MSTO1: variants seen among roughly 807,000 people sequenced by gnomAD.
MSTO1 encodes protein misato homolog 1.
A neutral mutation model predicts 55.7 loss-of-function variants in MSTO1; 24 were observed. The ratio of observed to expected loss-of-function variants is 0.43; its 90% confidence interval spans 0.31 to 0.61. The LOEUF is 0.61. Ranked by LOEUF, MSTO1 falls within the 20% of genes least tolerant of loss-of-function variation. MSTO1 has a pLI of 0.09. For missense variants in MSTO1, 363 were observed against 625.7 expected (o/e 0.58, Z 4.48); for synonymous variants, 162 against 252.8 (o/e 0.64, Z 3.41).
At chr1:155,597,989 T>C in the MSTO1 span, among the ~76,000 whole-genome samples, 3 of 150,808 alleles carry the variant, frequency 2.0e-5, no homozygotes, top group Admixed American at 2.0e-4. Context: ...GCTAATTTTT[T>C]GTATTTTTAG....
At chr1:155,605,230 C>T (rs1242781559), upstream of MSTO1, among the ~76,000 whole-genome samples, 1 of 152,090 alleles carries the variant, frequency 6.6e-6, no homozygotes, top group East Asian at 1.9e-4. Context: ...CACTGCACTC[C>T]AGCCTAAGCA....
At chr1:155,611,339 G>A (rs760545795) in intron 4 of MSTO1, 48 bp downstream of exon 4, 30 of 1,613,772 alleles carry the variant, frequency 1.9e-5, no homozygotes, top group Non-Finnish European at 2.5e-5. Context: ...ACAACCCGAG[G>A]GTCTCCATAG....
the MSTO1 span, among the ~76,000 whole-genome samples, chr1:155,567,958 A>T: frequency 6.6e-6 from 1 of 151,850 alleles, no homozygotes; most frequent in African/African-American, 2.4e-5. Flanking sequence ...GCATCACTTG[A>T]ACCCAGCAGG....
At chr1:155,602,657 T>A in the MSTO1 span, among the ~76,000 whole-genome samples, 1 of 152,176 alleles carries the variant, frequency 6.6e-6, no homozygotes, top group African/African-American at 2.4e-5. Context: ...GTATCATTTT[T>A]AATTTCTTTC....
the MSTO1 span, among the ~76,000 whole-genome samples, chr1:155,596,401 G>A: frequency 2.0e-5 from 3 of 152,082 alleles, no homozygotes; most frequent in South Asian, 2.1e-4. Context: ...CTACATCTAC[G>A]GTTTACTTTG....
chr1:155,568,030 C>A, the MSTO1 span, among the ~76,000 whole-genome samples: 1 of 150,800 alleles, frequency 6.6e-6, no homozygotes, highest in Non-Finnish European at 1.5e-5. Flanking sequence ...AAGAGCGAAA[C>A]CCTGTCTGAA....
the MSTO1 span, among the ~76,000 whole-genome samples, chr1:155,593,502 C>T: frequency 6.6e-6 from 1 of 152,208 alleles, no homozygotes. Context: ...ATCAAAATTA[C>T]TCAACTTCCC....
chr1:155,592,250 T>C, the MSTO1 span, among the ~76,000 whole-genome samples: 1 of 152,194 alleles, frequency 6.6e-6, no homozygotes, highest in Non-Finnish European at 1.5e-5. Flanking sequence ...GAAGTCTGGA[T>C]GGAGGGACAA....
At chr1:155,587,611 G>A in the MSTO1 span, among the ~76,000 whole-genome samples, 2 of 151,692 alleles carry the variant, frequency 1.3e-5, no homozygotes, top group Non-Finnish European at 2.9e-5. Flanking sequence ...GGGCGTGGTG[G>A]CGGGCGCCTA....
upstream of MSTO1, among the ~76,000 whole-genome samples, chr1:155,606,036 T>A (rs1672928257): frequency 6.6e-6 from 1 of 151,170 alleles, no homozygotes; most frequent in South Asian, 2.1e-4. Context: ...TAGATCCAAC[T>A]TTTTTTTTCT....
At chr1:155,567,473 G>A in the MSTO1 span, among the ~76,000 whole-genome samples, 1 of 151,854 alleles carries the variant, frequency 6.6e-6, no homozygotes, top group East Asian at 1.9e-4. Flanking sequence ...CACTGCGCCC[G>A]GCTAATTTTT....
chr1:155,576,518 G>A, the MSTO1 span, among the ~76,000 whole-genome samples: 1 of 151,078 alleles, frequency 6.6e-6, no homozygotes, highest in East Asian at 2.0e-4. Flanking sequence ...GTAGAGATGG[G>A]GTTTCACCAT....
At chr1:155,573,882 G>A in the MSTO1 span, among the ~76,000 whole-genome samples, 15 of 151,584 alleles carry the variant, frequency 9.9e-5, no homozygotes, top group East Asian at 2.7e-3. Context: ...CCCAGGCTAT[G>A]CTAGGCAATC....
chr1:155,578,832 T>G, the MSTO1 span, among the ~76,000 whole-genome samples: 5 of 148,644 alleles, frequency 3.4e-5, no homozygotes, highest in South Asian at 8.5e-4. Flanking sequence ...TTTTTTGTTT[T>G]TTTTTTTTTC....
the MSTO1 span, among the ~76,000 whole-genome samples, chr1:155,596,890 C>T: frequency 2.0e-5 from 3 of 152,210 alleles, no homozygotes; most frequent in South Asian, 2.1e-4. Context: ...ATCCCTTGAG[C>T]TCAGGAGTTC....
the MSTO1 span, among the ~76,000 whole-genome samples, chr1:155,600,445 T>C: frequency 1.3e-5 from 2 of 152,250 alleles, no homozygotes; most frequent in Admixed American, 6.5e-5. Flanking sequence ...TGGAGTCTCC[T>C]ATGTCTACTT....
At chr1:155,592,078 C>T in the MSTO1 span, among the ~76,000 whole-genome samples, 4 of 152,126 alleles carry the variant, frequency 2.6e-5, no homozygotes, top group African/African-American at 7.2e-5. Context: ...AATTGAGTAG[C>T]GTTTAAGTAG....
At chr1:155,598,411 G>A in the MSTO1 span, among the ~76,000 whole-genome samples, 5 of 151,996 alleles carry the variant, frequency 3.3e-5, no homozygotes, top group African/African-American at 1.2e-4. Context: ...CACCGCACCC[G>A]GCCAGGATTT....
At chr1:155,576,098 A>G in the MSTO1 span, among the ~76,000 whole-genome samples, 1 of 152,102 alleles carries the variant, frequency 6.6e-6, no homozygotes, top group Non-Finnish European at 1.5e-5. Context: ...CTGGGATTAC[A>G]GGTGTGAGCC....
Sources: allele counts gnomAD v4.1 joint callset (sites outside exome capture counted in the v4.1 genomes callset), GRCh38; gene constraint gnomAD v4.1.1; transcripts MANE v1.5; gene names NCBI Gene and HGNC (gene_info 2026-07-23, HGNC 2026-07-21).